WWOX: variants seen among roughly 807,000 people sequenced by gnomAD.
The protein encoded by WWOX is WW domain containing oxidoreductase.
Under a neutral mutation model 46.2 loss-of-function variants are expected in WWOX, and 69 were observed. That is an observed-to-expected ratio of 1.49 (90% CI 1.23 to 1.82). WWOX has a LOEUF of 1.82. WWOX is among the 40% of genes most tolerant of loss of function. The probability of loss-of-function intolerance (pLI) is 0.00; values close to 1 mark genes in which losing one functional copy is unlikely to be tolerated. For synonymous variants in WWOX, 359 were observed against 202.6 expected (o/e 1.77, Z -6.56); for missense variants, 919 against 542.6 (o/e 1.69, Z -6.89).
intron 5 of WWOX, among the ~76,000 whole-genome samples, chr16:78,250,948 G>A (rs2151828423): frequency 6.6e-6 from 1 of 152,252 alleles, no homozygotes; most frequent in East Asian, 1.9e-4. Context: ...GACAGGCATG[G>A]GGCACAGATG....
intron 5 of WWOX, among the ~76,000 whole-genome samples, chr16:78,373,381 C>G (rs949032870): frequency 1.3e-5 from 2 of 152,164 alleles, no homozygotes; most frequent in Non-Finnish European, 2.9e-5. Flanking sequence ...CTTATTATAA[C>G]TTAACGTTTA....
At chr16:78,826,131 G>A (rs144222880) in intron 8 of WWOX, 244 of 269,038 alleles carry the variant, frequency 9.1e-4, no homozygotes, top group African/African-American at 5.2e-3. Flanking sequence ...AAGACAGGCC[G>A]ATCACTTGAG....
At chr16:78,740,359 C>T (rs1423359834) in intron 8 of WWOX, among the ~76,000 whole-genome samples, 4 of 152,162 alleles carry the variant, frequency 2.6e-5, no homozygotes, top group African/African-American at 9.7e-5. Context: ...TCTTGAAGCA[C>T]AGTAAATGCT....
At chr16:78,724,512 A>G (rs1213040611) in intron 8 of WWOX, among the ~76,000 whole-genome samples, 1 of 152,152 alleles carries the variant, frequency 6.6e-6, no homozygotes, top group Non-Finnish European at 1.5e-5. Flanking sequence ...ATATTATTAT[A>G]GTTCTTTATC....
chr16:78,593,665 T>G (rs1197337064), intron 8 of WWOX, among the ~76,000 whole-genome samples: 2 of 151,932 alleles, frequency 1.3e-5, no homozygotes, highest in Admixed American at 1.3e-4. Flanking sequence ...GCTAAGCTGG[T>G]GATCCTGCTG....
At chr16:78,941,777 T>C (rs1379750626) in intron 8 of WWOX, among the ~76,000 whole-genome samples, 1 of 152,198 alleles carries the variant, frequency 6.6e-6, no homozygotes, top group Non-Finnish European at 1.5e-5. Context: ...AAAAAAGGTA[T>C]CATAATCAAA....
At chr16:78,334,384 C>T (rs1306660092) in intron 5 of WWOX, among the ~76,000 whole-genome samples, 1 of 152,068 alleles carries the variant, frequency 6.6e-6, no homozygotes, top group African/African-American at 2.4e-5. Context: ...AACCTTGGAA[C>T]AGAATATAAC....
At chr16:78,476,987 C>T (rs75905805) in intron 8 of WWOX, among the ~76,000 whole-genome samples, 8,315 of 151,906 alleles carry the variant, frequency 0.055, 289 homozygotes, top group Non-Finnish European at 0.082. Flanking sequence ...ATTATAAATA[C>T]GATGGGATTG....
At chr16:78,210,990 TTCTTTATTTCATTC>T (rs2036542387) in intron 5 of WWOX, among the ~76,000 whole-genome samples, 1 of 152,230 alleles carries the variant, frequency 6.6e-6, no homozygotes, top group African/African-American at 2.4e-5. Context: ...GAAACAAATT[TTCTTTATTTCATTC>T]TCTTCACTGA....
intron 8 of WWOX, among the ~76,000 whole-genome samples, chr16:78,708,722 C>G (rs77236807): frequency 6.6e-6 from 1 of 152,178 alleles, no homozygotes; most frequent in African/African-American, 2.4e-5. Context: ...ATTGTCCGCA[C>G]TCCAAAATGG....
chr16:79,124,421 C>T (rs193127349), intron 8 of WWOX, among the ~76,000 whole-genome samples: 15 of 152,122 alleles, frequency 9.9e-5, no homozygotes, highest in African/African-American at 3.6e-4. Flanking sequence ...AAAATACAAC[C>T]GAGGTTCCTC....
intron 8 of WWOX, among the ~76,000 whole-genome samples, chr16:78,970,727 G>A (rs756117466): frequency 2.0e-5 from 3 of 151,952 alleles, no homozygotes; most frequent in Non-Finnish European, 4.4e-5. Flanking sequence ...AACTTTCACA[G>A]AACAGTGTGT....
intron 7 of WWOX, among the ~76,000 whole-genome samples, chr16:78,431,957 C>T (rs1033544666): frequency 6.6e-6 from 1 of 152,134 alleles, no homozygotes; most frequent in South Asian, 2.1e-4. Context: ...CTCAAGCAAT[C>T]CTCCCGCCTC....
intron 8 of WWOX, among the ~76,000 whole-genome samples, chr16:78,824,347 C>T (rs1393621404): frequency 1.3e-5 from 2 of 152,050 alleles, no homozygotes; most frequent in Non-Finnish European, 2.9e-5. Flanking sequence ...GTATTCAGTC[C>T]AAGCTCCTCC....
intron 8 of WWOX, among the ~76,000 whole-genome samples, chr16:79,009,930 A>G (rs563439209): frequency 1.4e-4 from 21 of 152,272 alleles, no homozygotes; most frequent in African/African-American, 5.1e-4. Flanking sequence ...AAATTTGATA[A>G]TTTGTCTATT....
At chr16:78,232,237 T>C (rs1298177663) in intron 5 of WWOX, among the ~76,000 whole-genome samples, 3 of 151,988 alleles carry the variant, frequency 2.0e-5, no homozygotes, top group Non-Finnish European at 4.4e-5. Context: ...ATGGGAAAAA[T>C]AGTATTAGGG....
chr16:78,960,839 C>T (rs1292824182), intron 8 of WWOX, among the ~76,000 whole-genome samples: 1 of 152,126 alleles, frequency 6.6e-6, no homozygotes, highest in African/African-American at 2.4e-5. Context: ...GAATCTCTGC[C>T]TCAGTTGCTT....
intron 8 of WWOX, among the ~76,000 whole-genome samples, chr16:78,584,801 C>T (rs2045153254): frequency 6.6e-6 from 1 of 152,236 alleles, no homozygotes; most frequent in Non-Finnish European, 1.5e-5. Flanking sequence ...GATGTGATCA[C>T]TTGGCCGTGT....
intron 8 of WWOX, among the ~76,000 whole-genome samples, chr16:79,007,442 A>G (rs1409880454): frequency 6.6e-6 from 1 of 152,190 alleles, no homozygotes; most frequent in Non-Finnish European, 1.5e-5. Context: ...GAAAGGATGT[A>G]TTGGAGAAGA....
Sources: allele counts gnomAD v4.1 joint callset (sites outside exome capture counted in the v4.1 genomes callset), GRCh38; gene constraint gnomAD v4.1.1; transcripts MANE v1.5; gene names NCBI Gene and HGNC (gene_info 2026-07-23, HGNC 2026-07-21).